Variants in BCL2 observed in about 807,000 individuals in gnomAD.
The protein encoded by BCL2 is apoptosis regulator Bcl-2.
BCL2 carries 1 observed loss-of-function variant against 14.2 expected under a neutral mutation model. That is an observed-to-expected ratio of 0.07 (90% CI 0.02 to 0.33). The LOEUF is 0.33. Among genes scored for constraint, BCL2 ranks in the 10% least tolerant of loss-of-function variants. The pLI is 0.99. For missense variants in BCL2, 247 were observed against 305.9 expected (o/e 0.81, Z 1.44); for synonymous variants, 151 against 137.2 (o/e 1.10, Z -0.70).
At chr18:63,307,095 G>A (rs1469255522) in intron 2 of BCL2, among the ~76,000 whole-genome samples, 2 of 151,532 alleles carry the variant, frequency 1.3e-5, no homozygotes, top group Admixed American at 1.3e-4. Flanking sequence ...GTGACTGAGT[G>A]CAAAAAAACA....
intron 2 of BCL2, among the ~76,000 whole-genome samples, chr18:63,162,334 C>G (rs1914940194): frequency 2.0e-5 from 3 of 152,164 alleles, no homozygotes; most frequent in South Asian, 2.1e-4. Context: ...AGATGACACC[C>G]ACACCCACCC....
At chr18:63,282,972 C>G (rs2144257269) in intron 2 of BCL2, among the ~76,000 whole-genome samples, 1 of 152,254 alleles carries the variant, frequency 6.6e-6, no homozygotes, top group Middle Eastern at 3.4e-3. Context: ...GGCTTTTGTT[C>G]CTGGGATTTC....
chr18:63,273,060 A>G (rs1027416342), intron 2 of BCL2, among the ~76,000 whole-genome samples: 1 of 152,188 alleles, frequency 6.6e-6, no homozygotes. Flanking sequence ...AAGATTTGAT[A>G]ATGCAGCAGG....
At chr18:63,257,224 T>C (rs1373261010) in intron 2 of BCL2, among the ~76,000 whole-genome samples, 1 of 152,208 alleles carries the variant, frequency 6.6e-6, no homozygotes, top group Non-Finnish European at 1.5e-5. Flanking sequence ...TACCTGTTGC[T>C]AAAAACTCAC....
At chr18:63,139,379 T>G (rs888669844) in intron 2 of BCL2, among the ~76,000 whole-genome samples, 6 of 152,240 alleles carry the variant, frequency 3.9e-5, no homozygotes, top group African/African-American at 1.4e-4. Flanking sequence ...TATATGACCT[T>G]GAAATCTCAT....
chr18:63,144,498 C>T (rs1914456624), intron 2 of BCL2, among the ~76,000 whole-genome samples: 1 of 151,750 alleles, frequency 6.6e-6, no homozygotes, highest in African/African-American at 2.4e-5. Flanking sequence ...TTTGCTTCTC[C>T]CAAAGGAAGC....
chr18:63,152,133 G>T (rs1053360760), intron 2 of BCL2, among the ~76,000 whole-genome samples: 1 of 152,208 alleles, frequency 6.6e-6, no homozygotes, highest in African/African-American at 2.4e-5. Flanking sequence ...ACACCTTCTT[G>T]TTCTCACTGC....
intron 2 of BCL2, among the ~76,000 whole-genome samples, chr18:63,148,237 C>CT: frequency 6.6e-6 from 1 of 152,288 alleles, no homozygotes; most frequent in East Asian, 1.9e-4. Context: ...TTTTCTCTCT[C>CT]TCTCTCTTTT....
intron 2 of BCL2, among the ~76,000 whole-genome samples, chr18:63,258,232 T>G (rs1458380100): frequency 6.6e-6 from 1 of 152,228 alleles, no homozygotes; most frequent in Non-Finnish European, 1.5e-5. Context: ...ATTACAGACT[T>G]CCAGCCCTCA....
At chr18:63,273,353 G>T (rs1358099104) in intron 2 of BCL2, among the ~76,000 whole-genome samples, 3 of 152,202 alleles carry the variant, frequency 2.0e-5, no homozygotes, top group Non-Finnish European at 4.4e-5. Flanking sequence ...TCAGCGTAGA[G>T]ATATGTAATA....
chr18:63,319,190 C>G lies in BCL2; in HGVS notation c.-303G>C, dbSNP rs1913615245. The G allele has an allele frequency of 2.3e-6, 1 of 427,222 alleles. No individual in the cohort carries two copies. Among genetic ancestry groups the G allele is most frequent in the Non-Finnish European group, 3.4e-6 (1 of 296,362 alleles). 26.5% of individuals were successfully genotyped at this position (427,222 alleles called of 1,614,324 possible). ...AGAACTTACTTGTATTTTTTAAGTA[C>G]AGCATGATCCTCTGTCAAGTTTCCT... On this transcript the variant is annotated 5_prime_UTR_variant, in exon 1 of 3. Coordinates refer to ENST00000333681, the MANE Select transcript of BCL2 (RefSeq NM_000633.3).
chr18:63,209,201 G>A (rs1013400248), intron 2 of BCL2, among the ~76,000 whole-genome samples: 2 of 152,186 alleles, frequency 1.3e-5, no homozygotes, highest in Non-Finnish European at 2.9e-5. Context: ...GGGCTTCTGG[G>A]TCGGTAAATT....
intron 2 of BCL2, among the ~76,000 whole-genome samples, chr18:63,258,474 CCTT>C (rs747315842): frequency 2.7e-4 from 41 of 152,264 alleles, no homozygotes; most frequent in Admixed American, 7.8e-4. Context: ...TTATTAAAAG[CCTT>C]CTGTGTTATT....
chr18:63,160,257 T>A (rs1397801482), intron 2 of BCL2, among the ~76,000 whole-genome samples: 1 of 152,214 alleles, frequency 6.6e-6, no homozygotes, highest in Non-Finnish European at 1.5e-5. Context: ...AGATGGTGCG[T>A]GAGCCTGCAC....
At chr18:63,228,838 A>G (rs1419058301) in intron 2 of BCL2, among the ~76,000 whole-genome samples, 1 of 152,142 alleles carries the variant, frequency 6.6e-6, no homozygotes, top group Non-Finnish European at 1.5e-5. Context: ...CCTCTCGAGT[A>G]GCTGGGACTA....
chr18:63,301,902 A>G (rs1253233292), intron 2 of BCL2, among the ~76,000 whole-genome samples: 7 of 152,252 alleles, frequency 4.6e-5, no homozygotes. Flanking sequence ...ATCTGAATTC[A>G]TTAGGATCTT....
chr18:63,305,017 C>T (rs1012163440), intron 2 of BCL2, among the ~76,000 whole-genome samples: 2 of 152,172 alleles, frequency 1.3e-5, no homozygotes, highest in Admixed American at 6.5e-5. Context: ...AGAGACCTCG[C>T]ACGTCAATCC....
rs1194884926 is a variant in BCL2, at chr18:63,125,533, AC to A, written c.*3091del. ...AGTGCATATACTCTATTTAACTCTGACCCTGGCCAGTGTAAAGAGGAGTACA... is the reference window on the plus strand; with the variant it reads ...AGTGCATATACTCTATTTAACTCTGACCTGGCCAGTGTAAAGAGGAGTACA... On this transcript the variant is annotated 3_prime_UTR_variant, in exon 3 of 3. Coordinates refer to ENST00000333681, the MANE Select transcript of BCL2 (RefSeq NM_000633.3). The A allele has an allele frequency of 9.2e-6, 2 of 216,322 alleles. No homozygotes were observed. Among genetic ancestry groups the A allele is most frequent in the East Asian group, 1.4e-4 (2 of 14,782 alleles). The allele number at this position is 216,322 out of a possible 1,614,324, so 13.4% of individuals were successfully genotyped here.
At chr18:63,160,304 C>T (rs779049513) in intron 2 of BCL2, among the ~76,000 whole-genome samples, 5 of 152,300 alleles carry the variant, frequency 3.3e-5, no homozygotes, top group Admixed American at 1.3e-4. Flanking sequence ...TTATGAAATG[C>T]CAAAGGGGCT....
Sources: gnomAD v4.1 joint callset for allele counts (sites outside exome capture counted in the v4.1 genomes callset) on GRCh38, gnomAD v4.1.1 for gene constraint, MANE v1.5 for transcripts, NCBI Gene and HGNC (gene_info 2026-07-23, HGNC 2026-07-21) for gene names.